The following LMBRD1 variants were observed in gnomAD, a reference collection of about 807,000 sequenced individuals.
LMBRD1 encodes LMBR1 domain containing 1, also known as lysosomal cobalamin transport escort protein LMBD1.
Under a neutral mutation model 74.8 loss-of-function variants are expected in LMBRD1, and 64 were observed. The ratio of observed to expected loss-of-function variants is 0.86; its 90% CI spans 0.70 to 1.05. The LOEUF (loss-of-function observed/expected upper bound fraction) is 1.05, where lower values mean the gene tolerates loss of function less well. Ranked by LOEUF, LMBRD1 falls within the 50% of genes least tolerant of loss-of-function variation. The probability of loss-of-function intolerance (pLI) is 0.00; values close to 1 mark genes in which losing one functional copy is unlikely to be tolerated. For missense variants in LMBRD1, 652 were observed against 645.9 expected (o/e 1.01, Z -0.10); for synonymous variants, 204 against 216.3 (o/e 0.94, Z 0.50).
Position 69,743,071 on chromosome 6 carries a change from G to A in LMBRD1, c.474-1194C>T, listed in dbSNP as rs139785174. On this transcript the variant is annotated intron_variant, in intron 5 of 15. Transcript: ENST00000649934. ...AATGAAAGCAGAGGTGTGGAATCAA[G>A]AAATAAAATTATAACATTTTTGTAT... Among the ~76,000 whole-genome samples, 725 of 152,146 alleles carry A rather than the reference G, an allele frequency of 4.8e-3. 8 individuals are homozygous for A. The highest frequency in any genetic ancestry group is 0.017 in the Middle Eastern group (5 of 292).
At chr6:69,716,576 A>T (rs1179463248) in intron 8 of LMBRD1, among the ~76,000 whole-genome samples, 1 of 152,266 alleles carries the variant, frequency 6.6e-6, no homozygotes, top group East Asian at 1.9e-4. Context: ...TTATGTGCAC[A>T]ATCAGTAGAG....
At chr6:69,702,841 T>A (rs1455978470) in intron 9 of LMBRD1, among the ~76,000 whole-genome samples, 1 of 152,068 alleles carries the variant, frequency 6.6e-6, no homozygotes, top group East Asian at 1.9e-4. Context: ...TGTTATGAAA[T>A]CATGAATGGT....
chr6:69,794,962 A>G (rs1056080520), intron 1 of LMBRD1, among the ~76,000 whole-genome samples: 5 of 152,232 alleles, frequency 3.3e-5, no homozygotes, highest in Admixed American at 2.0e-4. Flanking sequence ...TCCACCTTGC[A>G]GCTGACATGA....
chr6:69,751,338 T>C (rs1238479073), intron 4 of LMBRD1, among the ~76,000 whole-genome samples: 1 of 152,178 alleles, frequency 6.6e-6, no homozygotes, highest in Non-Finnish European at 1.5e-5. Context: ...CTTTTTTTTT[T>C]TTTCTGAGAT....
At chr6:69,738,942 T>C (rs1027276426) in intron 6 of LMBRD1, among the ~76,000 whole-genome samples, 2 of 152,136 alleles carry the variant, frequency 1.3e-5, no homozygotes, top group African/African-American at 4.8e-5. Context: ...TGTCTCAGTT[T>C]TGTATAACAC....
intron 5 of LMBRD1, 100 bp downstream of exon 5, chr6:69,749,241 T>C: frequency 1.1e-6 from 1 of 919,210 alleles, no homozygotes; most frequent in Non-Finnish European, 1.7e-6. Context: ...TTTTCTTACA[T>C]TTTTTTCTTT....
intron 7 of LMBRD1, among the ~76,000 whole-genome samples, chr6:69,735,249 C>A (rs2149867251): frequency 6.6e-6 from 1 of 152,270 alleles, no homozygotes; most frequent in East Asian, 1.9e-4. Context: ...TGCACTCACA[C>A]ATACCTACAC....
At chr6:69,710,203 T>C (rs911326353) in intron 9 of LMBRD1, among the ~76,000 whole-genome samples, 3 of 152,030 alleles carry the variant, frequency 2.0e-5, no homozygotes, top group African/African-American at 4.8e-5. Context: ...GACCCACACT[T>C]ACACTACAAT....
intron 3 of LMBRD1, among the ~76,000 whole-genome samples, chr6:69,768,708 G>A (rs1017164469): frequency 6.6e-6 from 1 of 151,924 alleles, no homozygotes; most frequent in Non-Finnish European, 1.5e-5. Context: ...ACTGCCTAGT[G>A]TCATTTCCTT....
At position 69,705,083 on chromosome 6, in the gene LMBRD1, G is replaced by C. The variant is rs1209029349; in HGVS notation, c.916-3130C>G. 2.0e-5 allele frequency among the ~76,000 whole-genome samples: 3 copies of C among 151,770 alleles called. No individual in the cohort carries two copies. The East Asian group carries it at 5.8e-4, about 29-fold the overall frequency. ...ATCATAACATTCCATACATACTTAA[G>C]ACCAAGCAAAGGGTGGAGTTCCGTC... is the stretch of plus-strand genomic sequence containing the variant. On this transcript the variant is annotated intron_variant, in intron 9 of 15. Coordinates refer to ENST00000649934, the MANE Select transcript of LMBRD1 (RefSeq NM_018368.4).
At chr6:69,717,836 T>C (rs570767176) in intron 8 of LMBRD1, among the ~76,000 whole-genome samples, 24 of 152,236 alleles carry the variant, frequency 1.6e-4, no homozygotes, top group Middle Eastern at 6.8e-3. Context: ...TAGTTGGGAC[T>C]ATAGGCATGC....
At chr6:69,747,923 T>C (rs1765028171) in intron 5 of LMBRD1, among the ~76,000 whole-genome samples, 1 of 152,224 alleles carries the variant, frequency 6.6e-6, no homozygotes, top group Non-Finnish European at 1.5e-5. Flanking sequence ...TTAACCTAAA[T>C]GCACGCCTCA....
At chr6:69,734,015 T>G (rs1388965605) in intron 7 of LMBRD1, among the ~76,000 whole-genome samples, 1 of 152,210 alleles carries the variant, frequency 6.6e-6, no homozygotes, top group Non-Finnish European at 1.5e-5. Context: ...CATACCACTA[T>G]AAAGATGAAG....
At chr6:69,689,982 C>T (rs888893698) in intron 14 of LMBRD1, among the ~76,000 whole-genome samples, 13 of 152,084 alleles carry the variant, frequency 8.5e-5, no homozygotes, top group Admixed American at 2.6e-4. Context: ...CCAAAATCCA[C>T]GGATACTCAA....
chr6:69,749,232 T>C, intron 5 of LMBRD1, 109 bp downstream of exon 5: 1 of 863,144 alleles, frequency 1.2e-6, no homozygotes, highest in Non-Finnish European at 1.8e-6. Context: ...ATTGTTCTTT[T>C]TTCTTACATT....
At chr6:69,769,781 T>C (rs1582143846) in intron 3 of LMBRD1, among the ~76,000 whole-genome samples, 1 of 151,820 alleles carries the variant, frequency 6.6e-6, no homozygotes, top group Non-Finnish European at 1.5e-5. Flanking sequence ...CAAAAAAATA[T>C]ATATTTATTT....
intron 3 of LMBRD1, among the ~76,000 whole-genome samples, chr6:69,779,247 G>A (rs547480587): frequency 6.9e-6 from 1 of 145,912 alleles, no homozygotes; most frequent in Non-Finnish European, 1.5e-5. Flanking sequence ...AGAAACTTTT[G>A]TAGATTTTTT....
chr6:69,708,525 G>C (rs1766311426), intron 9 of LMBRD1, among the ~76,000 whole-genome samples: 1 of 152,050 alleles, frequency 6.6e-6, no homozygotes, highest in Non-Finnish European at 1.5e-5. Flanking sequence ...TACAGAGTTG[G>C]TGAGGAGCAG....
chr6:69,749,272 C>A, intron 5 of LMBRD1, 69 bp downstream of exon 5: 2 of 1,216,840 alleles, frequency 1.6e-6, no homozygotes, highest in Non-Finnish European at 2.3e-6. Flanking sequence ...TCTGAATGAT[C>A]CTTTTATTTT....
Sources: gnomAD v4.1 joint callset for allele counts (sites outside exome capture counted in the v4.1 genomes callset) on GRCh38, gnomAD v4.1.1 for gene constraint, MANE v1.5 for transcripts, NCBI Gene and HGNC (gene_info 2026-07-23, HGNC 2026-07-21) for gene names.